FSD1L: variants seen among roughly 807,000 people sequenced by gnomAD.
FSD1L encodes the protein fibronectin type III and SPRY domain containing 1 like.
Under a neutral mutation model 71.6 loss-of-function variants are expected in FSD1L, and 45 were observed. That is an observed-to-expected ratio of 0.63 (90% CI 0.49 to 0.81). The LOEUF (loss-of-function observed/expected upper bound fraction) is 0.81. Ranked by LOEUF, FSD1L falls within the 30% of genes least tolerant of loss-of-function variation. The pLI, the probability that FSD1L is intolerant of heterozygous loss-of-function variation, is 0.00. For synonymous variants in FSD1L, 197 were observed against 207.2 expected (o/e 0.95, Z 0.42); for missense variants, 561 against 618.1 (o/e 0.91, Z 0.98).
chr9:105,465,619 A>T (rs1831007798), intron 3 of FSD1L, among the ~76,000 whole-genome samples: 1 of 152,176 alleles, frequency 6.6e-6, no homozygotes, highest in South Asian at 2.1e-4. Flanking sequence ...AATAAATGTG[A>T]TACACCATAT....
chr9:105,459,581 G>A (rs1211882375), intron 1 of FSD1L, among the ~76,000 whole-genome samples: 3 of 152,204 alleles, frequency 2.0e-5, no homozygotes, highest in Non-Finnish European at 4.4e-5. Context: ...GGGGAACTTT[G>A]CGAATATTTC....
At chr9:105,503,200 A>G (rs1356544567) in intron 7 of FSD1L, among the ~76,000 whole-genome samples, 26 of 152,174 alleles carry the variant, frequency 1.7e-4, no homozygotes, top group Admixed American at 1.7e-3. Flanking sequence ...AAAATGTAGT[A>G]GGTTTTAAAA....
At chr9:105,510,465 T>C (rs905160093) in intron 9 of FSD1L, among the ~76,000 whole-genome samples, 1 of 152,222 alleles carries the variant, frequency 6.6e-6, no homozygotes, top group Non-Finnish European at 1.5e-5. Flanking sequence ...TTTACCAATT[T>C]ATTTGGCTTG....
At chr9:105,536,194 G>C (rs982409805) in intron 12 of FSD1L, among the ~76,000 whole-genome samples, 1 of 152,190 alleles carries the variant, frequency 6.6e-6, no homozygotes, top group Non-Finnish European at 1.5e-5. Flanking sequence ...TTGTTGGACA[G>C]CTCTTGGTTA....
At chr9:105,461,458 T>G in intron 1 of FSD1L, 62 bp from the exon 2 acceptor site, 2 of 687,602 alleles carry the variant, frequency 2.9e-6, no homozygotes. Context: ...TAATTTATCC[T>G]GTTTTTCCTT....
In FSD1L at chr9:105,496,079, G is replaced by C. The variant is rs559342622; in HGVS notation, c.587-10320G>C. The stretch of plus-strand genomic sequence containing the variant: ...TTTCCCCTTGACGATGTCTTTTACA[G>C]AGCAAGATTTTTAATTCTAATAATG... On this transcript the variant is annotated intron_variant, in intron 7 of 13. Transcript: ENST00000481272. Among the ~76,000 whole-genome samples, 6 of 151,828 alleles carry C rather than the reference G, an allele frequency of 4.0e-5. No individual in the cohort carries two copies. The East Asian group carries it at 1.2e-3, about 29-fold the overall frequency.
At chr9:105,501,402 T>G (rs1301674274) in intron 7 of FSD1L, among the ~76,000 whole-genome samples, 3 of 151,972 alleles carry the variant, frequency 2.0e-5, no homozygotes, top group African/African-American at 2.4e-5. Context: ...CACTGTTGCT[T>G]ATTTCTAAAG....
At chr9:105,477,628 T>G (rs1026574326) in intron 5 of FSD1L, among the ~76,000 whole-genome samples, 2 of 152,244 alleles carry the variant, frequency 1.3e-5, no homozygotes, top group Non-Finnish European at 2.9e-5. Flanking sequence ...TTGTTTCATA[T>G]CAGGTACAGA....
intron 6 of FSD1L, among the ~76,000 whole-genome samples, chr9:105,482,035 G>A (rs866184354): frequency 2.6e-5 from 4 of 152,082 alleles, no homozygotes; most frequent in Non-Finnish European, 4.4e-5. Flanking sequence ...TCAGCCTTCC[G>A]AAGTGCTGGG....
intron 2 of FSD1L, among the ~76,000 whole-genome samples, chr9:105,463,345 A>G (rs1379589323): frequency 6.6e-6 from 1 of 152,202 alleles, no homozygotes; most frequent in Admixed American, 6.5e-5. Flanking sequence ...AAAGTATTAA[A>G]GTACTTGCAT....
intron 8 of FSD1L, 108 bp downstream of exon 8, chr9:105,506,716 C>A: frequency 1.2e-6 from 1 of 809,800 alleles, no homozygotes; most frequent in Non-Finnish European, 1.9e-6. Context: ...TTTAGTCACA[C>A]TGAGTTTTTA....
At chr9:105,491,915 G>A (rs1329304179) in intron 7 of FSD1L, among the ~76,000 whole-genome samples, 1 of 152,040 alleles carries the variant, frequency 6.6e-6, no homozygotes, top group Non-Finnish European at 1.5e-5. Context: ...ATCTTATTGA[G>A]GATTTTTGCA....
chr9:105,509,879 T>C (rs1249801316), intron 9 of FSD1L, among the ~76,000 whole-genome samples: 1 of 152,234 alleles, frequency 6.6e-6, no homozygotes, highest in Non-Finnish European at 1.5e-5. Context: ...TTTAAAATAA[T>C]AGTCATATGT....
At chr9:105,483,012 G>T (rs1832312139) in intron 6 of FSD1L, among the ~76,000 whole-genome samples, 1 of 152,010 alleles carries the variant, frequency 6.6e-6, no homozygotes, top group Non-Finnish European at 1.5e-5. Flanking sequence ...AAGATACTTG[G>T]GGCTGTAAAG....
At chr9:105,495,507 C>T (rs771935587) in intron 7 of FSD1L, among the ~76,000 whole-genome samples, 1 of 152,212 alleles carries the variant, frequency 6.6e-6, no homozygotes, top group African/African-American at 2.4e-5. Context: ...GCTGCACCCA[C>T]TGTCCTGCGC....
intron 6 of FSD1L, among the ~76,000 whole-genome samples, chr9:105,483,237 T>C (rs1036473354): frequency 2.0e-5 from 3 of 152,212 alleles, no homozygotes; most frequent in African/African-American, 4.8e-5. Flanking sequence ...ACTATTAAAT[T>C]ATTACTAGTT....
At chr9:105,525,604 CT>C (rs1484318905) in intron 10 of FSD1L, 21 of 1,612,898 alleles carry the variant, frequency 1.3e-5, no homozygotes, top group East Asian at 8.9e-5. Flanking sequence ...CTTTCATCTC[CT>C]GAAGAAAAAT....
chr9:105,522,786 G>C, intron 10 of FSD1L: 1 of 1,612,422 alleles, frequency 6.2e-7, no homozygotes, highest in South Asian at 1.1e-5. Context: ...GTTTATAGCA[G>C]AATGACTTCG....
At chr9:105,521,765 C>T (rs1835176995) in intron 10 of FSD1L, 8 of 1,613,008 alleles carry the variant, frequency 5.0e-6, no homozygotes, top group Non-Finnish European at 6.8e-6. Flanking sequence ...ACGGCTCCTA[C>T]CAAGGTGCTC....
Sources: allele counts gnomAD v4.1 joint callset (sites outside exome capture counted in the v4.1 genomes callset), GRCh38; gene constraint gnomAD v4.1.1; transcripts MANE v1.5; gene names NCBI Gene and HGNC (gene_info 2026-07-23, HGNC 2026-07-21).